The following BEND6 variants were observed in gnomAD, a reference collection of about 807,000 sequenced individuals.
BEND6 encodes BEN domain containing 6, also known as BEN domain-containing protein 6.
In BEND6, 24 loss-of-function variants were observed where a neutral mutation model predicts 31.8. The ratio of observed to expected loss-of-function variants is 0.75; its 90% confidence interval spans 0.55 to 1.06. The LOEUF (loss-of-function observed/expected upper bound fraction) is 1.06. Among genes scored for constraint, BEND6 ranks in the 50% least tolerant of loss-of-function variants. The pLI is 0.00. For synonymous variants in BEND6, 109 were observed against 114.6 expected (o/e 0.95, Z 0.31); for missense variants, 294 against 327.4 (o/e 0.90, Z 0.79).
intron 1 of BEND6, among the ~76,000 whole-genome samples, chr6:56,967,801 T>A (rs1379253113): frequency 2.6e-5 from 4 of 152,176 alleles, no homozygotes; most frequent in Non-Finnish European, 4.4e-5. Context: ...CAAAGCTGAC[T>A]TGATGATTAG....
intron 3 of BEND6, chr6:57,009,906 GCC>G (rs1275306480): frequency 6.6e-6 from 1 of 152,142 alleles, no homozygotes; most frequent in Non-Finnish European, 1.5e-5. Flanking sequence ...CGTGTATCCT[GCC>G]ATTACTATAT....
chr6:57,002,774 T>C (rs1305224304), intron 3 of BEND6, among the ~76,000 whole-genome samples: 1 of 151,910 alleles, frequency 6.6e-6, no homozygotes, highest in African/African-American at 2.4e-5. Flanking sequence ...AATACCTCAA[T>C]GATCTAACAT....
At chr6:57,021,283 A>G (rs1827734120) in intron 6 of BEND6, among the ~76,000 whole-genome samples, 1 of 152,222 alleles carries the variant, frequency 6.6e-6, no homozygotes, top group South Asian at 2.1e-4. Context: ...TTAATCAGAT[A>G]TAGCACCATC....
intron 1 of BEND6, among the ~76,000 whole-genome samples, chr6:56,970,910 ACAAAAAC>A (rs2127844493): frequency 6.6e-6 from 1 of 152,344 alleles, no homozygotes; most frequent in African/African-American, 2.4e-5. Context: ...TAGGGATAAT[ACAAAAAC>A]TGTGTTTTTG....
intron 2 of BEND6, among the ~76,000 whole-genome samples, chr6:56,987,187 C>T (rs1826313181): frequency 6.6e-6 from 1 of 152,000 alleles, no homozygotes; most frequent in South Asian, 2.1e-4. Context: ...ACCATATTGG[C>T]CAGGCTGGTC....
At chr6:56,984,178 A>G (rs1335837602) in intron 2 of BEND6, among the ~76,000 whole-genome samples, 1 of 152,014 alleles carries the variant, frequency 6.6e-6, no homozygotes, top group Non-Finnish European at 1.5e-5. Flanking sequence ...CTGTGTTCCC[A>G]TCACTGCACT....
chr6:57,008,217 T>C, intron 3 of BEND6: 1 of 702,942 alleles, frequency 1.4e-6, no homozygotes, highest in South Asian at 1.5e-5. Context: ...CTCCAATGAA[T>C]GTGTTCAAAC....
intron 4 of BEND6, among the ~76,000 whole-genome samples, chr6:57,015,925 T>C (rs1361983785): frequency 1.3e-5 from 2 of 151,966 alleles, no homozygotes; most frequent in Non-Finnish European, 2.9e-5. Context: ...TCAAGATCAA[T>C]CTGAGAACCA....
chr6:56,972,086 C>CTGTCTTTTT (rs1825708870), intron 1 of BEND6, among the ~76,000 whole-genome samples: 1 of 62,530 alleles, frequency 1.6e-5, no homozygotes. Context: ...ACTTTACTTT[C>CTGTCTTTTT]TTTTTTTTTT....
intron 2 of BEND6, among the ~76,000 whole-genome samples, chr6:56,990,237 G>A (rs1826441201): frequency 6.7e-6 from 1 of 149,920 alleles, no homozygotes; most frequent in South Asian, 2.1e-4. Context: ...ATCTATTTTG[G>A]GCCACTCGCT....
intron 3 of BEND6, among the ~76,000 whole-genome samples, chr6:56,997,611 T>C (rs1008701665): frequency 5.3e-5 from 8 of 152,242 alleles, no homozygotes; most frequent in Non-Finnish European, 8.8e-5. Context: ...TGCAGTGCAG[T>C]GGCGCAATCT....
chr6:57,022,319 G>A (rs1255902388), intron 6 of BEND6, among the ~76,000 whole-genome samples: 4 of 151,752 alleles, frequency 2.6e-5, no homozygotes, highest in Non-Finnish European at 4.4e-5. Flanking sequence ...CTATTGATTT[G>A]TTGAAGTTTT....
At chr6:56,997,394 A>G (rs1283012747) in intron 3 of BEND6, among the ~76,000 whole-genome samples, 2 of 151,886 alleles carry the variant, frequency 1.3e-5, no homozygotes, top group African/African-American at 2.4e-5. Flanking sequence ...TCTATTATGT[A>G]TTTAATATTG....
intron 2 of BEND6, among the ~76,000 whole-genome samples, chr6:56,985,864 T>C (rs1190849124): frequency 6.6e-6 from 1 of 152,206 alleles, no homozygotes; most frequent in East Asian, 1.9e-4. Flanking sequence ...TTGTAGAAAT[T>C]AGTCTCTTAT....
chr6:57,001,133 G>A (rs980992678), intron 3 of BEND6, among the ~76,000 whole-genome samples: 6 of 149,654 alleles, frequency 4.0e-5, no homozygotes, highest in African/African-American at 1.5e-4. Flanking sequence ...AGACCCTCCA[G>A]GGTCAATGCT....
intron 1 of BEND6, among the ~76,000 whole-genome samples, chr6:56,981,206 A>G (rs1190394132): frequency 6.6e-6 from 1 of 152,170 alleles, no homozygotes; most frequent in East Asian, 1.9e-4. Flanking sequence ...TTATGGCACA[A>G]TTCTTCAGTT....
intron 1 of BEND6, among the ~76,000 whole-genome samples, chr6:56,957,942 C>G (rs1825149493): frequency 6.6e-6 from 1 of 152,134 alleles, no homozygotes; most frequent in Admixed American, 6.5e-5. Context: ...AAGATAAAGT[C>G]AGATTGAAGA....
At chr6:57,003,973 C>T (rs1446691571) in intron 3 of BEND6, among the ~76,000 whole-genome samples, 1 of 152,104 alleles carries the variant, frequency 6.6e-6, no homozygotes, top group Non-Finnish European at 1.5e-5. Flanking sequence ...TAAATAAAAT[C>T]CAACATCCTT....
At chr6:56,975,794 C>T (rs1279445654) in intron 1 of BEND6, 2 of 531,382 alleles carry the variant, frequency 3.8e-6, no homozygotes, top group Non-Finnish European at 7.5e-6. Flanking sequence ...GGATGCAAGT[C>T]CTTCCATAAT....
Sources: gnomAD v4.1 joint callset for allele counts (sites outside exome capture counted in the v4.1 genomes callset) on GRCh38, gnomAD v4.1.1 for gene constraint, MANE v1.5 for transcripts, NCBI Gene and HGNC (gene_info 2026-07-23, HGNC 2026-07-21) for gene names.